Variants in DMD observed in about 807,000 individuals in gnomAD.
DMD encodes dystrophin.
A neutral mutation model predicts 330.1 loss-of-function variants in DMD; 63 were observed. That is an observed-to-expected ratio of 0.19 (90% CI 0.16 to 0.24). The LOEUF (loss-of-function observed/expected upper bound fraction) is 0.24, where lower values mean the gene tolerates loss of function less well. Ranked by LOEUF, DMD falls within the 10% of genes least tolerant of loss-of-function variation. The pLI is 1.00. For synonymous variants in DMD, 1,223 were observed against 959.8 expected, an observed-to-expected ratio of 1.27 and a Z score of -5.07; for missense variants, 3,344 against 2,684.1, an observed-to-expected ratio of 1.25 and a Z score of -5.43.
At chrX:32,375,032 G>A (rs772815419) in intron 34 of DMD, among the ~76,000 whole-genome samples, 2 of 111,045 alleles carry the variant, frequency 1.8e-5, no homozygotes, top group Admixed American at 9.6e-5. Context: ...CTCTAATAAC[G>A]ATTCTCTCTG....
Position 32,842,494 on chromosome X carries a change from A to T in DMD, c.264+2289T>A, listed in dbSNP as rs370697249. 2.7e-5 allele frequency among the ~76,000 whole-genome samples: 3 copies of T among 110,900 alleles called. No individual in the cohort carries two copies. In the East Asian group the frequency reaches 8.5e-4, roughly 31 times the overall value. On this transcript the variant is annotated intron_variant, in intron 4 of 78. Coordinates refer to ENST00000357033, the MANE Select transcript of DMD (RefSeq NM_004006.3). ...GTGTGCTAGCATGTACAACCAGAGC[A>T]TGTGTGCCCAAAAAACCTCCCAAAA...
chrX:32,306,117 G>C (rs778439394), intron 42 of DMD, among the ~76,000 whole-genome samples: 2 of 105,771 alleles, frequency 1.9e-5, no homozygotes, highest in Non-Finnish European at 3.9e-5. Flanking sequence ...TTCTTTGTTT[G>C]CTTGCTTCTA....
Position 32,765,396 on chromosome X carries a change from A to T in DMD, c.649+44097T>A, listed in dbSNP as rs180791995. Among the ~76,000 whole-genome samples the T allele has an allele frequency of 2.2e-4, 24 of 110,551 alleles. 1 individual carries two copies. The Admixed American group carries it at 2.2e-3, about 10-fold the overall frequency. ...CTCTTGCTCCTGTTCTGACCATATGACCTGCCAGGTCACCCTTCCCTTTCT... is the reference window on the plus strand; with the variant it reads ...CTCTTGCTCCTGTTCTGACCATATGTCCTGCCAGGTCACCCTTCCCTTTCT... On this transcript the variant is annotated intron_variant, in intron 7 of 78. Transcript: ENST00000357033.
intron 37 of DMD, among the ~76,000 whole-genome samples, chrX:32,362,376 G>A (rs543825107): frequency 1.7e-3 from 185 of 111,942 alleles, no homozygotes; most frequent in African/African-American, 5.8e-3. Context: ...TATTGTATCA[G>A]TACTGCTTTT....
At chrX:32,117,001 C>T (rs945755986) in intron 44 of DMD, among the ~76,000 whole-genome samples, 1 of 111,641 alleles carries the variant, frequency 9.0e-6, no homozygotes, top group Non-Finnish European at 1.9e-5. Flanking sequence ...TTGCAGCCCC[C>T]CAAGTAATGA....
Position 31,932,166 on chromosome X carries a change from A to T in DMD, c.6676T>A (p.Trp2226Arg). 1 of 1,195,091 alleles carries T rather than the reference A, an allele frequency of 8.4e-7. No homozygotes were observed. Among genetic ancestry groups the T allele is most frequent in the Non-Finnish European group, 1.1e-6 (1 of 880,305 alleles). The change falls in exon 46 of 79, where the codon TGG (tryptophan) becomes AGG (arginine). Residue 2226 changes from tryptophan (W) to arginine (R), a missense_variant. Transcript: ENST00000357033. ...GCAATGTTATCTGCTTCCTCCAACC[A>T]TAAAACAAATTCATTTAAATCTCTT... ...FQRDLNEFVL[W>R]LEEADNIASI...
At chrX:32,284,868 C>A (rs755881853) in intron 43 of DMD, among the ~76,000 whole-genome samples, 1 of 112,042 alleles carries the variant, frequency 8.9e-6, no homozygotes, top group Non-Finnish European at 1.9e-5. Context: ...ATTTCAACCT[C>A]TGGATAAGGA....
At chrX:31,140,328 A>G (rs2035887080) in intron 76 of DMD, among the ~76,000 whole-genome samples, 1 of 112,437 alleles carries the variant, frequency 8.9e-6, no homozygotes, top group African/African-American at 3.2e-5. Context: ...CTTTTTTTTA[A>G]AAAGGAGCTG....
At chrX:31,819,122 C>A (rs897268495) in intron 50 of DMD, among the ~76,000 whole-genome samples, 1 of 111,630 alleles carries the variant, frequency 9.0e-6, no homozygotes, top group Admixed American at 9.5e-5. Flanking sequence ...AGTTTTCTGG[C>A]CTCTTTCCCC....
intron 1 of DMD, among the ~76,000 whole-genome samples, chrX:33,314,564 T>TTTG (rs1405345109): frequency 2.9e-4 from 19 of 64,480 alleles, no homozygotes; most frequent in African/African-American, 9.3e-4. Context: ...AGCCTGTTTT[T>TTTG]TTTTTGTTTT....
At chrX:31,747,889 A>C (rs2087988337) in intron 51 of DMD, among the ~76,000 whole-genome samples, 1 of 112,252 alleles carries the variant, frequency 8.9e-6, no homozygotes, top group Non-Finnish European at 1.9e-5. Flanking sequence ...GTAATTTAAA[A>C]ATAAGCAGTA....
chrX:31,316,460 C>T (rs1461278722), intron 62 of DMD, among the ~76,000 whole-genome samples: 1 of 111,490 alleles, frequency 9.0e-6, no homozygotes, highest in African/African-American at 3.3e-5. Flanking sequence ...CAAGGTGATA[C>T]AAATCAGCTT....
intron 18 of DMD, chrX:32,517,802 C>A: frequency 2.2e-6 from 1 of 453,460 alleles, no homozygotes; most frequent in Non-Finnish European, 3.8e-6. Context: ...AAAGGCATCC[C>A]TAGTCAGTCA....
chrX:32,385,839 A>G (rs1184469720), intron 33 of DMD, among the ~76,000 whole-genome samples: 4 of 110,451 alleles, frequency 3.6e-5, no homozygotes, highest in Non-Finnish European at 7.6e-5. Context: ...TTACTGTGTA[A>G]TTTTTAAACT....
intron 11 of DMD, among the ~76,000 whole-genome samples, chrX:32,629,672 A>T (rs1208304458): frequency 9.1e-6 from 1 of 109,992 alleles, no homozygotes; most frequent in Non-Finnish European, 1.9e-5. Flanking sequence ...ATTCTTATTA[A>T]TTTTTATGTA....
chrX:32,424,792 T>TAA (rs201484279), intron 29 of DMD, among the ~76,000 whole-genome samples: 2,245 of 90,908 alleles, frequency 0.025, 71 homozygotes, highest in African/African-American at 0.073. Flanking sequence ...AGAGAGATTG[T>TAA]AAAAAAAAAA....
rs749216542 is a variant in DMD, at chrX:31,400,462, G to A, written c.9084+44019C>T. ...GCCCCAAACACCTTGGGCACATGTC[G>A]TTAGAACCTCCTGAGGCTGTTTCAT... is the stretch of plus-strand genomic sequence containing the variant. On this transcript the variant is annotated intron_variant, in intron 60 of 78. Coordinates refer to ENST00000357033, the MANE Select transcript of DMD (RefSeq NM_004006.3). 6.3e-5 allele frequency among the ~76,000 whole-genome samples: 7 copies of A among 111,378 alleles called. No homozygotes were observed. In the East Asian group the frequency reaches 2.0e-3, roughly 31 times the overall value.
chrX:31,853,597 C>T (rs757998432), intron 48 of DMD, among the ~76,000 whole-genome samples: 1 of 110,987 alleles, frequency 9.0e-6, no homozygotes, highest in African/African-American at 3.3e-5. Flanking sequence ...TTAAAAACAC[C>T]CTTTGTCCAT....
intron 44 of DMD, among the ~76,000 whole-genome samples, chrX:32,101,242 T>C (rs1367597992): frequency 8.9e-6 from 1 of 111,790 alleles, no homozygotes; most frequent in Non-Finnish European, 1.9e-5. Context: ...CAGTGGTGGT[T>C]TAAAAGACCA....
Sources: gnomAD v4.1 joint callset for allele counts (sites outside exome capture counted in the v4.1 genomes callset) on GRCh38, gnomAD v4.1.1 for gene constraint, MANE v1.5 for transcripts, NCBI Gene and HGNC (gene_info 2026-07-23, HGNC 2026-07-21) for gene names.